Variants in PLPPR5 observed in about 807,000 individuals in gnomAD.
The protein encoded by PLPPR5 is phospholipid phosphatase-related protein type 5.
In PLPPR5, 16 loss-of-function variants were observed where a neutral mutation model predicts 33.9. The observed-to-expected ratio is 0.47, with a 90% confidence interval of 0.32 to 0.72. The LOEUF is 0.72. Ranked by LOEUF, PLPPR5 falls within the 30% of genes least tolerant of loss-of-function variation. The pLI is 0.03. For missense variants in PLPPR5, 301 were observed against 406.7 expected (o/e 0.74, Z 2.23); for synonymous variants, 163 against 150.3 (o/e 1.08, Z -0.62).
chr1:98,940,126 A>G (rs1050654191), intron 3 of PLPPR5, among the ~76,000 whole-genome samples: 28 of 151,792 alleles, frequency 1.8e-4, no homozygotes, highest in African/African-American at 6.5e-4. Context: ...CAGGTTGGGC[A>G]CCAGGACAAA....
At chr1:98,971,372 T>C (rs559979726) in intron 1 of PLPPR5, among the ~76,000 whole-genome samples, 61 of 152,178 alleles carry the variant, frequency 4.0e-4, no homozygotes, top group African/African-American at 1.4e-3. Context: ...AAGTGGTATG[T>C]AAGCTTTCCT....
At chr1:98,898,532 G>A (rs930888921) in intron 5 of PLPPR5, among the ~76,000 whole-genome samples, 18 of 152,310 alleles carry the variant, frequency 1.2e-4, no homozygotes, top group African/African-American at 4.3e-4. Context: ...GTTCTACTTT[G>A]TCACATTGTT....
At chr1:98,915,240 A>C (rs1649301275) in intron 4 of PLPPR5, among the ~76,000 whole-genome samples, 1 of 152,202 alleles carries the variant, frequency 6.6e-6, no homozygotes. Context: ...TCATAACACC[A>C]TAACCTTATA....
At chr1:98,921,301 T>C (rs974034539) in intron 4 of PLPPR5, among the ~76,000 whole-genome samples, 1 of 152,200 alleles carries the variant, frequency 6.6e-6, no homozygotes, top group Non-Finnish European at 1.5e-5. Flanking sequence ...GGTATGGTCT[T>C]AGAAACTATT....
intron 3 of PLPPR5, among the ~76,000 whole-genome samples, chr1:98,922,740 C>A (rs575028104): frequency 1.6e-4 from 25 of 152,238 alleles, no homozygotes; most frequent in African/African-American, 5.8e-4. Context: ...AATCCCAGCA[C>A]TTTGGGAGGC....
chr1:98,957,677 C>A (rs956594957), intron 1 of PLPPR5, among the ~76,000 whole-genome samples: 1 of 152,128 alleles, frequency 6.6e-6, no homozygotes, highest in African/African-American at 2.4e-5. Context: ...TGAGACATTA[C>A]TAGGAATTGT....
intron 5 of PLPPR5, among the ~76,000 whole-genome samples, chr1:98,898,362 GAA>G (rs1315464062): frequency 9.2e-5 from 14 of 152,256 alleles, no homozygotes; most frequent in Non-Finnish European, 1.2e-4. Context: ...ATTGCATCAG[GAA>G]AAGATAGGTG....
intron 1 of PLPPR5, among the ~76,000 whole-genome samples, chr1:98,963,278 T>G (rs1360010751): frequency 6.6e-6 from 1 of 152,238 alleles, no homozygotes; most frequent in Non-Finnish European, 1.5e-5. Flanking sequence ...CATCATTCCC[T>G]TCTCTGTGTT....
At position 98,988,823 on chromosome 1, in the gene PLPPR5, T is replaced by C. The variant is rs116747548; in HGVS notation, c.237+15612A>G. Among the ~76,000 whole-genome samples the C allele has an allele frequency of 3.9e-3, 600 of 152,276 alleles. 3 individuals carry two copies. Among genetic ancestry groups the C allele is most frequent in the African/African-American group, 0.014 (569 of 41,586 alleles). On this transcript the variant is annotated intron_variant, in intron 1 of 5. Transcript: ENST00000263177. ...TCCCTTGGCAGGATCATGCTATAGT[T>C]GTAATTTCTCAATCGGTGCCTTCTG... is the stretch of plus-strand genomic sequence containing the variant.
chr1:98,902,920 T>C (rs1425934609), intron 5 of PLPPR5, among the ~76,000 whole-genome samples: 1 of 152,158 alleles, frequency 6.6e-6, no homozygotes, highest in Admixed American at 6.6e-5. Context: ...AAAGGCCTGT[T>C]AGATAACTGA....
intron 5 of PLPPR5, among the ~76,000 whole-genome samples, chr1:98,903,016 C>T (rs1648752055): frequency 6.6e-6 from 1 of 151,926 alleles, no homozygotes; most frequent in Non-Finnish European, 1.5e-5. Context: ...TACTGGAGTA[C>T]AAATAGGAAA....
intron 1 of PLPPR5, 84 bp from the exon 2 acceptor site, chr1:98,956,825 G>A (rs1279980027): frequency 9.4e-7 from 1 of 1,069,294 alleles, no homozygotes; most frequent in Non-Finnish European, 1.3e-6. Flanking sequence ...ATGTAAAATG[G>A]AGCCCCTTTG....
intron 4 of PLPPR5, among the ~76,000 whole-genome samples, chr1:98,920,860 T>C (rs1448807075): frequency 6.6e-6 from 1 of 152,072 alleles, no homozygotes; most frequent in Non-Finnish European, 1.5e-5. Flanking sequence ...AATGCAAAAA[T>C]ATGTTTTGAT....
intron 3 of PLPPR5, among the ~76,000 whole-genome samples, chr1:98,932,734 T>A (rs895554935): frequency 6.6e-6 from 1 of 152,214 alleles, no homozygotes; most frequent in Non-Finnish European, 1.5e-5. Context: ...GCAGTAAGCA[T>A]GCACATTAGT....
At position 98,892,513 on chromosome 1, in the gene PLPPR5, A is replaced by G. The variant is rs1291607973; in HGVS notation, c.*559T>C. 1 of 152,360 alleles carries G rather than the reference A, an allele frequency of 6.6e-6. No individual in the cohort carries two copies. The highest frequency in any genetic ancestry group is 1.5e-5 in the Non-Finnish European group (1 of 68,020). 9.4% of individuals were successfully genotyped at this position (152,360 alleles called of 1,614,324 possible). A position where few individuals can be genotyped will look rare whatever the true frequency, so the allele number is the denominator to read the frequency against. ...ATATAACATAATATAATGTGGAAAC[A>G]TTATTTTACTATAGAACATACTTTC... On this transcript the variant is annotated 3_prime_UTR_variant, in exon 6 of 6. Transcript: ENST00000263177.
intron 3 of PLPPR5, among the ~76,000 whole-genome samples, chr1:98,923,530 T>C (rs926186723): frequency 6.6e-6 from 1 of 152,184 alleles, no homozygotes; most frequent in Non-Finnish European, 1.5e-5. Flanking sequence ...CTATTTTTTT[T>C]TTTCTGGGCA....
chr1:98,941,349 T>C lies in PLPPR5; in HGVS notation c.621+11721A>G, dbSNP rs1339364856. Among the ~76,000 whole-genome samples the C allele has an allele frequency of 1.3e-5, 2 of 151,830 alleles. 1 individual carries two copies. The highest frequency in any genetic ancestry group is 4.2e-4 in the South Asian group (2 of 4,796). On this transcript the variant is annotated intron_variant, in intron 3 of 5. Coordinates refer to ENST00000263177, the MANE Select transcript of PLPPR5 (RefSeq NM_001037317.2). ...GACAAGGATCTGAAGAGGCTCTTGATAAGATCTGGGGGATGAGGTCTGAGG... is the reference window on the plus strand; with the variant it reads ...GACAAGGATCTGAAGAGGCTCTTGACAAGATCTGGGGGATGAGGTCTGAGG...
At chr1:99,004,905 C>G, upstream of PLPPR5, 1 of 191,944 alleles carries the variant, frequency 5.2e-6, no homozygotes, top group Non-Finnish European at 1.1e-5. Context: ...TCTCCCCTGC[C>G]CGCCCCCTGC....
intron 1 of PLPPR5, among the ~76,000 whole-genome samples, chr1:98,960,939 A>C (rs1651223921): frequency 6.6e-6 from 1 of 152,200 alleles, no homozygotes; most frequent in Non-Finnish European, 1.5e-5. Context: ...ATCTTCTGAA[A>C]CATGGGATAC....
Sources: gnomAD v4.1 joint callset for allele counts (sites outside exome capture counted in the v4.1 genomes callset) on GRCh38, gnomAD v4.1.1 for gene constraint, MANE v1.5 for transcripts, NCBI Gene and HGNC (gene_info 2026-07-23, HGNC 2026-07-21) for gene names.